The following TPR variants were observed in gnomAD, a reference collection of about 807,000 sequenced individuals.
The protein encoded by TPR is nucleoprotein TPR.
In TPR, 51 loss-of-function variants were observed where a neutral mutation model predicts 316.1. The ratio of observed to expected loss-of-function variants is 0.16; its 90% CI spans 0.13 to 0.20. TPR has a LOEUF of 0.20. TPR is among the 10% of genes least tolerant of loss of function. The pLI, the probability that TPR is intolerant of heterozygous loss-of-function variation, is 1.00. For missense variants in TPR, 2,272 were observed against 2,754.8 expected (o/e 0.82, Z 3.92); for synonymous variants, 981 against 914.7 (o/e 1.07, Z -1.31).
At chr1:186,336,839 C>A in intron 32 of TPR, 145 bp from the exon 33 acceptor site, 1 of 1,319,146 alleles carries the variant, frequency 7.6e-7, no homozygotes, top group Non-Finnish European at 1.0e-6. Flanking sequence ...GTCAGACCAA[C>A]TAAATGCACA....
intron 15 of TPR, 94 bp downstream of exon 15, chr1:186,356,192 A>C: frequency 9.0e-7 from 1 of 1,113,890 alleles, no homozygotes; most frequent in Non-Finnish European, 1.2e-6. Flanking sequence ...ATTTGAAGCT[A>C]CCATCATTAG....
Position 186,337,028 on chromosome 1 carries a change from T to G in TPR, c.4491A>C (p.Val1497=), listed in dbSNP as rs745441251. 19 of 1,613,740 alleles carry G rather than the reference T, an allele frequency of 1.2e-5. No individual in the cohort carries two copies. In the African/African-American group the frequency reaches 1.9e-4, roughly 16 times the overall value. ...ACACTCATACCTTCTGCAGATTCTC[T>G]ACTTGACTTTCAAGTGATTTTGATT... is the stretch of plus-strand genomic sequence containing the variant. ...ETKSKSLESQ[V]ENLQKTLSEK... is the part of the protein sequence containing the mutation. Residue 1497 remains valine, a synonymous_variant, in exon 32 of 51, where the codon GTA becomes GTC. Coordinates refer to ENST00000367478, the MANE Select transcript of TPR (RefSeq NM_003292.3).
intron 12 of TPR, 57 bp downstream of exon 12, chr1:186,359,742 G>C: frequency 6.6e-7 from 1 of 1,519,710 alleles, no homozygotes; most frequent in Non-Finnish European, 8.8e-7. Flanking sequence ...AAAATACCTA[G>C]TAAATCATTT....
chr1:186,354,075 G>A, intron 17 of TPR: 1 of 411,798 alleles, frequency 2.4e-6, no homozygotes, highest in Non-Finnish European at 4.3e-6. Context: ...TGTCAGATTT[G>A]CCTCAACCTC....
At chr1:186,374,777 G>A (rs1278590378) in intron 1 of TPR, 101 bp downstream of exon 1, 8 of 1,281,462 alleles carry the variant, frequency 6.2e-6, no homozygotes. Flanking sequence ...AGGAAGTGAG[G>A]TTAACAGAGC....
Position 186,335,557 on chromosome 1 carries a change from C to A in TPR, c.4706-14G>T. 1 of 1,560,138 alleles carries A rather than the reference C, an allele frequency of 6.4e-7. No homozygotes were observed. Among genetic ancestry groups the A allele is most frequent in the South Asian group, 1.2e-5 (1 of 81,846 alleles). ...GATCTTTTACACCTAAAGAAGTAAC[C>A]AGGCGATTATATTAATATTATAATC... On this transcript the variant is annotated splice_polypyrimidine_tract_variant and intron_variant, in intron 33 of 50. Transcript: ENST00000367478.
At chr1:186,321,877 G>C (rs1233519668) in intron 45 of TPR, among the ~76,000 whole-genome samples, 2 of 152,178 alleles carry the variant, frequency 1.3e-5, no homozygotes, top group South Asian at 2.1e-4. Context: ...TTTATCATGT[G>C]TCAGGTAACA....
chr1:186,362,265 G>T, intron 7 of TPR, 23 bp downstream of exon 7: 3 of 1,572,412 alleles, frequency 1.9e-6, no homozygotes, highest in Non-Finnish European at 8.7e-7. Flanking sequence ...TTGTAAAAAA[G>T]ACATTTTAAT....
rs750498950 is a variant in TPR at position 186,344,582 on chromosome 1, T to C, written c.3214-4A>G. 4 of 1,503,712 alleles carry C rather than the reference T, an allele frequency of 2.7e-6. No individual in the cohort carries two copies. In the African/African-American group the frequency reaches 5.6e-5, roughly 21 times the overall value. The allele number at this position is 1,503,712 out of a possible 1,614,324, so 93.1% of individuals were successfully genotyped here. ...GAGCTTCCACAGCTATTTTAGCCTA[T>C]AAGAAATTATTACCCAATTGATACC... is the stretch of plus-strand genomic sequence containing the variant. On this transcript the variant is annotated splice_region_variant and splice_polypyrimidine_tract_variant and intron_variant, in intron 24 of 50. Coordinates refer to ENST00000367478, the MANE Select transcript of TPR (RefSeq NM_003292.3).
At position 186,312,268 on chromosome 1, in the gene TPR, C is replaced by T. The variant is rs12134934; in HGVS notation, c.*1703G>A. ...CTAAATTATCCAGTGTATGGAGAAACGACACAGGTTAGGAGACGTCGCTTT... is the reference window on the plus strand; with the variant it reads ...CTAAATTATCCAGTGTATGGAGAAATGACACAGGTTAGGAGACGTCGCTTT... On this transcript the variant is annotated 3_prime_UTR_variant, in exon 51 of 51. Coordinates refer to ENST00000367478, the MANE Select transcript of TPR (RefSeq NM_003292.3). 74,829 of 1,613,812 alleles carry T rather than the reference C, an allele frequency of 0.046. 1,939 individuals carry two copies. The highest frequency in any genetic ancestry group is 0.049 in the Non-Finnish European group (58,349 of 1,179,854).
chr1:186,354,643 C>T (rs1290232353), intron 17 of TPR, among the ~76,000 whole-genome samples: 1 of 152,116 alleles, frequency 6.6e-6, no homozygotes. Context: ...ACTAAACTAA[C>T]AAGCATTCAA....
At chr1:186,360,976 TC>T in intron 9 of TPR, 71 bp from the exon 10 acceptor site, 1 of 1,458,008 alleles carries the variant, frequency 6.9e-7, no homozygotes, top group Non-Finnish European at 9.3e-7. Flanking sequence ...ATGCAACAGA[TC>T]AGTCACTTCT....
Position 186,337,813 on chromosome 1 carries a change from G to A in TPR, c.4362+220C>T, listed in dbSNP as rs374974061. On this transcript the variant is annotated intron_variant, in intron 31 of 50. Transcript: ENST00000367478. ...AAGAACATAGCTTTGAAAATGGAGA[G>A]TATTTGAAAGGTGAAGACTGAACTA... Among the ~76,000 whole-genome samples the A allele has an allele frequency of 5.3e-5, 8 of 151,772 alleles. No individual in the cohort carries two copies. In the South Asian group the frequency reaches 8.3e-4, roughly 16 times the overall value.
At chr1:186,331,062 TGA>T (rs564274401) in intron 39 of TPR, among the ~76,000 whole-genome samples, 4 of 152,128 alleles carry the variant, frequency 2.6e-5, no homozygotes, top group African/African-American at 9.6e-5. Flanking sequence ...GGAACCTCAA[TGA>T]GAGATCAAAA....
At chr1:186,349,816 C>G (rs1202007110) in intron 21 of TPR, among the ~76,000 whole-genome samples, 1 of 152,098 alleles carries the variant, frequency 6.6e-6, no homozygotes, top group African/African-American at 2.4e-5. Context: ...ATTGGGAATA[C>G]TGCTTTAAAG....
At position 186,339,888 on chromosome 1, in the gene TPR, T is replaced by G. The variant is rs189029875; in HGVS notation, c.4021-116A>C. 2.6e-4 allele frequency: 216 copies of G among 842,756 alleles called. No individual in the cohort carries two copies. In the African/African-American group the frequency reaches 3.7e-3, roughly 14 times the overall value. The allele number at this position is 842,756 out of a possible 1,614,324, so 52.2% of individuals were successfully genotyped here. On this transcript the variant is annotated intron_variant, in intron 29 of 50. Coordinates refer to ENST00000367478, the MANE Select transcript of TPR (RefSeq NM_003292.3). ...ATTAGGTGTCCTGCATGTAAAGTAA[T>G]CAAGCATGGAACTACAAGATACTAA...
intron 39 of TPR, among the ~76,000 whole-genome samples, chr1:186,331,245 C>A (rs967188170): frequency 2.0e-5 from 3 of 151,976 alleles, no homozygotes; most frequent in African/African-American, 7.2e-5. Flanking sequence ...TCTTGGCTCA[C>A]AACTCTAAAA....
At chr1:186,354,984 A>C (rs1424178357) in intron 17 of TPR, among the ~76,000 whole-genome samples, 1 of 152,118 alleles carries the variant, frequency 6.6e-6, no homozygotes, top group Non-Finnish European at 1.5e-5. Flanking sequence ...GCTCACCGCA[A>C]CCACTGCCTC....
intron 30 of TPR, among the ~76,000 whole-genome samples, chr1:186,339,335 C>T (rs1346438532): frequency 6.7e-6 from 1 of 149,388 alleles, no homozygotes; most frequent in Non-Finnish European, 1.5e-5. Flanking sequence ...ATAAGCTAAC[C>T]AAAAGAAAAA....
Sources: gnomAD v4.1 joint callset for allele counts (sites outside exome capture counted in the v4.1 genomes callset) on GRCh38, gnomAD v4.1.1 for gene constraint, MANE v1.5 for transcripts, NCBI Gene and HGNC (gene_info 2026-07-23, HGNC 2026-07-21) for gene names.